FAM187B: variants seen among roughly 807,000 people sequenced by gnomAD.
The protein encoded by FAM187B is protein FAM187B.
A neutral mutation model predicts 22.6 loss-of-function variants in FAM187B; 22 were observed. The ratio of observed to expected loss-of-function variants is 0.97; its 90% CI spans 0.70 to 1.39. The LOEUF (loss-of-function observed/expected upper bound fraction) is 1.39. Ranked by LOEUF, FAM187B falls within the 40% of genes most tolerant of loss-of-function variation. FAM187B has a pLI of 0.00. For missense variants in FAM187B, 433 were observed against 462.1 expected, an observed-to-expected ratio of 0.94 and a Z score of 0.58; for synonymous variants, 192 against 201.8, an observed-to-expected ratio of 0.95 and a Z score of 0.41.
chr19:35,225,004 C>G lies in FAM187B; in HGVS notation c.931G>C (p.Glu311Gln), dbSNP rs776255445. The change falls in exon 2 of 2, where the codon GAG becomes CAG. Residue 311 changes from glutamate (E) to glutamine (Q), a missense_variant. Physicochemically the swap from Glu to Gln is conservative, Grantham distance 29. Coordinates refer to ENST00000324675, the MANE Select transcript of FAM187B (RefSeq NM_152481.2). ...SLETLEAQWR[E>Q]NDAQWREARK... is the part of the protein sequence containing the mutation. ...GCCTCCCGCCACTGGGCATCGTTCT[C>G]TCTCCACTGAGCCTCCAGCGTCTCC... 3.7e-5 allele frequency: 60 copies of G among 1,613,804 alleles called. No individual in the cohort carries two copies. The highest frequency in any genetic ancestry group is 4.8e-5 in the Non-Finnish European group (57 of 1,179,976).
intron 1 of FAM187B, 88 bp from the exon 2 acceptor site, chr19:35,225,300 G>C: frequency 1.4e-6 from 2 of 1,401,882 alleles, no homozygotes; most frequent in Non-Finnish European, 1.9e-6. Flanking sequence ...GCACCGCCCA[G>C]TCCCCCTCCT....
chr19:35,226,467 A>G (rs765319394), intron 1 of FAM187B, among the ~76,000 whole-genome samples: 1 of 152,138 alleles, frequency 6.6e-6, no homozygotes, highest in African/African-American at 2.4e-5. Flanking sequence ...TGTCTCTAAT[A>G]ATAATAACAA....
In FAM187B at chr19:35,225,044, T is replaced by G. The variant is rs779296073; in HGVS notation, c.891A>C (p.Lys297Asn). 5.0e-6 allele frequency: 8 copies of G among 1,612,880 alleles called. No individual in the cohort carries two copies. Among genetic ancestry groups the G allele is most frequent in the Middle Eastern group, 1.7e-4 (1 of 6,058 alleles). Residue 297 changes from lysine (K) to asparagine (N), a missense_variant, in exon 2 of 2, where the codon AAA becomes AAC. Lys to Asn is a moderately conservative substitution (Grantham distance 94). Transcript: ENST00000324675. ...FVQQELVAQF[K>N]PAASLETLEA... is the part of the protein sequence containing the mutation. ...CCAGCGTCTCCAGACTGGCGGCGGG[T>G]TTGAACTGGGCCACGAGCTCCTGCT... is the stretch of plus-strand genomic sequence containing the variant.
At chr19:35,226,456 C>T (rs759602902) in intron 1 of FAM187B, among the ~76,000 whole-genome samples, 3 of 152,088 alleles carry the variant, frequency 2.0e-5, no homozygotes, top group Non-Finnish European at 2.9e-5. Context: ...GAGCAAGACC[C>T]TGTCTCTAAT....
At position 35,225,011 on chromosome 19, in the gene FAM187B, C is replaced by T; in HGVS notation, c.924G>A (p.Gln308=). Residue 308 remains glutamine, a synonymous_variant, in exon 2 of 2, where the codon CAG becomes CAA. Transcript: ENST00000324675. Reference sequence around the variant, plus strand: ...GCCACTGGGCATCGTTCTCTCTCCACTGAGCCTCCAGCGTCTCCAGACTGG... The same window carrying T: ...GCCACTGGGCATCGTTCTCTCTCCATTGAGCCTCCAGCGTCTCCAGACTGG... The part of the protein sequence containing the change: ...PAASLETLEA[Q]WRENDAQWRE... 6.2e-7 allele frequency: 1 copy of T among 1,613,806 alleles called. No individual in the cohort carries two copies.
chr19:35,225,669 T>G (rs1373301331), intron 1 of FAM187B, among the ~76,000 whole-genome samples: 1 of 151,978 alleles, frequency 6.6e-6, no homozygotes, highest in Non-Finnish European at 1.5e-5. Context: ...AAAAATTAGC[T>G]GGACATGCTG....
chr19:35,227,095 A>G (rs1333911836), intron 1 of FAM187B, among the ~76,000 whole-genome samples: 2 of 152,196 alleles, frequency 1.3e-5, no homozygotes, highest in African/African-American at 2.4e-5. Flanking sequence ...TCCAGAAGCT[A>G]GAAAAAAGGA....
At position 35,228,719 on chromosome 19, in the gene FAM187B, G is replaced by A. The variant is rs531302419; in HGVS notation, c.-39C>T. ...TGTGGCAGTGGGCTGGTGCCACCCC[G>A]AACATTGTGAGGTCACCCATGAACT... On this transcript the variant is annotated 5_prime_UTR_variant, in exon 1 of 2. Transcript: ENST00000324675. The A allele has an allele frequency of 1.0e-4, 161 of 1,563,000 alleles. 2 individuals carry two copies. The South Asian group carries it at 1.7e-3, about 16-fold the overall frequency.
Position 35,228,051 on chromosome 19 carries a change from C to G in FAM187B, c.630G>C (p.Gln210His), listed in dbSNP as rs138079924. The change falls in exon 1 of 2, where the codon CAG (glutamine) becomes CAC (histidine). Residue 210 changes from glutamine (Q) to histidine (H), a missense_variant. By Grantham distance (24) the Gln-to-His change is conservative. Transcript: ENST00000324675. ...CAAAAATGACGTAATCCACCCTTAA[C>G]TGTGTGTTATTGGTGCACTGGACGT... is the stretch of plus-strand genomic sequence containing the variant. The part of the protein sequence containing the change: ...ACHVQCTNNT[Q>H]LRVDYVIFDN... 129 of 1,614,240 alleles carry G rather than the reference C, an allele frequency of 8.0e-5. 1 individual carries two copies. In the African/African-American group the frequency reaches 1.6e-3, roughly 20 times the overall value.
At position 35,227,855 on chromosome 19, in the gene FAM187B, G is replaced by A. The variant is rs948631111; in HGVS notation, c.722+104C>T. 8.7e-6 allele frequency: 13 copies of A among 1,490,460 alleles called. No homozygotes were observed. In the South Asian group the frequency reaches 1.6e-4, roughly 18 times the overall value. 92.3% of individuals were successfully genotyped at this position (1,490,460 alleles called of 1,614,324 possible). A position where few individuals can be genotyped will look rare whatever the true frequency, so the allele number is the denominator to read the frequency against. ...GCACTGTCCTGATGACCACTACGTGGCTGAACTGCAAAGAACGCCCACTCA... is the reference window on the plus strand; with the variant it reads ...GCACTGTCCTGATGACCACTACGTGACTGAACTGCAAAGAACGCCCACTCA... On this transcript the variant is annotated intron_variant, in intron 1 of 1. Coordinates refer to ENST00000324675, the MANE Select transcript of FAM187B (RefSeq NM_152481.2).
chr19:35,227,851 C>T (rs1207324243), intron 1 of FAM187B, 108 bp downstream of exon 1: 15 of 1,481,322 alleles, frequency 1.0e-5, no homozygotes, highest in Admixed American at 6.4e-5. Flanking sequence ...ATGACCACTA[C>T]GTGGCTGAAC....
chr19:35,227,861 C>G, intron 1 of FAM187B, 98 bp downstream of exon 1: 1 of 1,506,734 alleles, frequency 6.6e-7, no homozygotes, highest in Non-Finnish European at 8.9e-7. Flanking sequence ...CGTGGCTGAA[C>G]TGCAAAGAAC....
chr19:35,228,319 T>TTG lies in FAM187B; in HGVS notation c.360_361dup (p.Lys121ThrfsTer92), dbSNP rs1160801690. 1.2e-6 allele frequency: 2 copies of TTG among 1,614,122 alleles called. No individual in the cohort carries two copies. The highest frequency in any genetic ancestry group is 8.5e-7 in the Non-Finnish European group (1 of 1,180,032). On this transcript the variant is annotated frameshift_variant, in exon 1 of 2. Transcript: ENST00000324675. LOFTEE classifies it high-confidence loss of function. ...CTGCAGGGGCCTCTGACCCAGGTCCTTGTGTGTTATATGCAGGGTGGTGAC... is the reference window on the plus strand; with the variant it reads ...CTGCAGGGGCCTCTGACCCAGGTCCTTGTGTGTGTTATATGCAGGGTGGTGAC...
rs1169987536 is a variant in FAM187B at position 35,228,486 on chromosome 19, G to T, written c.195C>A (p.Ser65Arg). ...TTTCCATATTGGAAATATTGGTGAGGCTGGTGAGCCTGCCCTTCTTGCCTT... is the reference window on the plus strand; with the variant it reads ...TTTCCATATTGGAAATATTGGTGAGTCTGGTGAGCCTGCCCTTCTTGCCTT... ...FTQGKKGRLT[S>R]LTNISNMEIM... The change falls in exon 1 of 2, where the codon AGC becomes AGA. Residue 65 changes from serine (S) to arginine (R), a missense_variant. Coordinates refer to ENST00000324675, the MANE Select transcript of FAM187B (RefSeq NM_152481.2). 6.8e-6 allele frequency: 11 copies of T among 1,614,192 alleles called. No individual in the cohort carries two copies. In the South Asian group the frequency reaches 1.2e-4, roughly 18 times the overall value.
intron 1 of FAM187B, among the ~76,000 whole-genome samples, chr19:35,226,663 C>T (rs1214768900): frequency 6.6e-6 from 1 of 152,192 alleles, no homozygotes; most frequent in African/African-American, 2.4e-5. Context: ...AGAGGATATT[C>T]CACAGACAAT....
At position 35,227,995 on chromosome 19, in the gene FAM187B, A is replaced by C; in HGVS notation, c.686T>G (p.Phe229Cys). Residue 229 changes from phenylalanine (F) to cysteine (C), a missense_variant, in exon 1 of 2, where the codon TTT becomes TGT. Physicochemically the swap from Phe to Cys is radical, Grantham distance 205. Coordinates refer to ENST00000324675, the MANE Select transcript of FAM187B (RefSeq NM_152481.2). ...TCCTAAGGGACAGTCGAGCCACACA[A>C]ATTCTGTCTTCTCATCGAGCCTGAA... The part of the protein sequence containing the change: ...DNFRLDEKTE[F>C]VWLDCPLGSM... 1 of 1,613,782 alleles carries C rather than the reference A, an allele frequency of 6.2e-7. No homozygotes were observed. The highest frequency in any genetic ancestry group is 1.6e-4 in the Middle Eastern group (1 of 6,062).
Position 35,228,140 on chromosome 19 carries a change from A to G in FAM187B, c.541T>C (p.Tyr181His), listed in dbSNP as rs1212877532. Residue 181 changes from tyrosine to histidine, a missense_variant, in exon 1 of 2, where the codon TAT becomes CAT. Physicochemically the swap from Tyr to His is moderately conservative, Grantham distance 83 (BLOSUM62 2). Coordinates refer to ENST00000324675, the MANE Select transcript of FAM187B (RefSeq NM_152481.2). ...PLEEAMPCWL[Y>H]LGEVLVWSSR... ...GACCACACCAGCACCTCTCCCAGAT[A>G]GAGCCAGCAGGGCATGGCTTCCTCC... 36 of 1,614,096 alleles carry G rather than the reference A, an allele frequency of 2.2e-5. No individual in the cohort carries two copies. The highest frequency in any genetic ancestry group is 3.1e-5 in the Non-Finnish European group (36 of 1,180,024).
chr19:35,228,224 G>A lies in FAM187B; in HGVS notation c.457C>T (p.Arg153Cys), dbSNP rs960213868. ...TWWEPWQDCN[R>C]CEEPGECKRL... is the part of the protein sequence containing the mutation. ...TTACACTCGCCCGGCTCCTCACAGC[G>A]GTTGCAGTCCTGCCAGGGCTCCCAC... Residue 153 changes from arginine to cysteine, a missense_variant, in exon 1 of 2, where the codon CGC becomes TGC. Physicochemically the swap from Arg to Cys is radical, Grantham distance 180. Transcript: ENST00000324675. 6 of 1,614,066 alleles carry A rather than the reference G, an allele frequency of 3.7e-6. No homozygotes were observed. The highest frequency in any genetic ancestry group is 2.7e-5 in the African/African-American group (2 of 74,932).
rs1568431462 is a variant in FAM187B, at chr19:35,225,180, A to AG, written c.754dup (p.Leu252ProfsTer?). 3.3e-6 allele frequency: 5 copies of AG among 1,521,338 alleles called. No homozygotes were observed. Among genetic ancestry groups the AG allele is most frequent in the Non-Finnish European group, 4.4e-6 (5 of 1,133,824 alleles). 94.2% of individuals were successfully genotyped at this position (1,521,338 alleles called of 1,614,324 possible). A position where few individuals can be genotyped will look rare whatever the true frequency, so the allele number is the denominator to read the frequency against. The stretch of plus-strand genomic sequence containing the variant: ...GCCGGAGAGCTGGCTCTCCCACGTC[A>AG]GGGGGGTGTCGTTGGCACGCCAGTT... On this transcript the variant is annotated frameshift_variant, in exon 2 of 2. Transcript: ENST00000324675. LOFTEE classifies it low-confidence loss of function (END_TRUNC).
Sources: allele counts gnomAD v4.1 joint callset (sites outside exome capture counted in the v4.1 genomes callset), GRCh38; gene constraint gnomAD v4.1.1; transcripts MANE v1.5; gene names NCBI Gene and HGNC (gene_info 2026-07-23, HGNC 2026-07-21).